TBC1D12: variants seen among roughly 807,000 people sequenced by gnomAD.
TBC1D12 encodes TBC1 domain family member 12.
In TBC1D12, 56 loss-of-function variants were observed where a neutral mutation model predicts 86.7. The ratio of observed to expected loss-of-function variants is 0.65; its 90% CI spans 0.52 to 0.81. The LOEUF (loss-of-function observed/expected upper bound fraction) is 0.81, where lower values mean the gene tolerates loss of function less well. Ranked by LOEUF, TBC1D12 falls within the 30% of genes least tolerant of loss-of-function variation. The probability of loss-of-function intolerance (pLI) is 0.00; values close to 1 mark genes in which losing one functional copy is unlikely to be tolerated. For synonymous variants in TBC1D12, 421 were observed against 411.7 expected (o/e 1.02, Z -0.27); for missense variants, 1,023 against 1,038.8 (o/e 0.98, Z 0.21).
At chr10:94,531,119 G>T in intron 11 of TBC1D12, 83 bp from the exon 12 acceptor site, 1 of 1,472,854 alleles carries the variant, frequency 6.8e-7, no homozygotes, top group Non-Finnish European at 9.2e-7. Context: ...ATTAAACACT[G>T]TTCTTTTTTT....
chr10:94,425,142 T>C (rs1198139689), intron 1 of TBC1D12, among the ~76,000 whole-genome samples: 1 of 152,208 alleles, frequency 6.6e-6, no homozygotes, highest in East Asian at 1.9e-4. Flanking sequence ...GCACTACCTC[T>C]GGTTTGCAAG....
intron 3 of TBC1D12, among the ~76,000 whole-genome samples, chr10:94,488,611 T>C (rs1278500949): frequency 6.6e-6 from 1 of 151,374 alleles, no homozygotes; most frequent in Admixed American, 6.6e-5. Context: ...AGGCTGGTCT[T>C]GAACTCCTGA....
At chr10:94,459,623 C>T (rs1451752468) in intron 2 of TBC1D12, among the ~76,000 whole-genome samples, 1 of 152,234 alleles carries the variant, frequency 6.6e-6, no homozygotes, top group Admixed American at 6.5e-5. Context: ...TGGCAGACTG[C>T]AGGTCCTGAG....
chr10:94,493,448 G>T lies in TBC1D12; in HGVS notation c.1294+1G>T, dbSNP rs769340233. On this transcript the variant is annotated splice_donor_variant, in intron 4 of 12. Coordinates refer to ENST00000225235, the MANE Select transcript of TBC1D12 (RefSeq NM_015188.2). LOFTEE classifies it high-confidence loss of function. ...ATGGTGGCTGAGGCTAAAAAACGAG[G>T]TATAAAATTTAACTCCAAATGGTAT... is the stretch of plus-strand genomic sequence containing the variant. 6.2e-7 allele frequency: 1 copy of T among 1,606,926 alleles called. No individual in the cohort carries two copies. Among genetic ancestry groups the T allele is most frequent in the South Asian group, 1.1e-5 (1 of 89,222 alleles).
intron 5 of TBC1D12, among the ~76,000 whole-genome samples, chr10:94,497,472 A>G (rs1174487092): frequency 1.3e-5 from 2 of 149,510 alleles, no homozygotes; most frequent in African/African-American, 4.9e-5. Flanking sequence ...CTCAGTGTCT[A>G]CCACCTACTT....
chr10:94,513,754 AG>A (rs2056553654), intron 9 of TBC1D12, among the ~76,000 whole-genome samples: 8 of 152,094 alleles, frequency 5.3e-5, no homozygotes, highest in Admixed American at 4.6e-4. Flanking sequence ...GTGTTAAGAC[AG>A]GGCACTGTTT....
intron 3 of TBC1D12, among the ~76,000 whole-genome samples, chr10:94,491,566 T>C (rs1239713530): frequency 6.6e-6 from 1 of 152,234 alleles, no homozygotes; most frequent in Non-Finnish European, 1.5e-5. Context: ...TGTACTCAGC[T>C]GTGGTTTGAA....
chr10:94,404,304 T>A lies in TBC1D12; in HGVS notation c.971+720T>A, dbSNP rs898683549. Among the ~76,000 whole-genome samples, 3 of 152,306 alleles carry A rather than the reference T, an allele frequency of 2.0e-5. No individual in the cohort carries two copies. In the East Asian group the frequency reaches 5.8e-4, roughly 29 times the overall value. ...CCTTTTTTTCCCCAATAACTTTAGT[T>A]TTTTTAAAAAATGGTATTGTATTTG... On this transcript the variant is annotated intron_variant, in intron 1 of 12. Coordinates refer to ENST00000225235, the MANE Select transcript of TBC1D12 (RefSeq NM_015188.2).
rs780979231 is a variant in TBC1D12, at chr10:94,497,077, A to T, written c.1317A>T (p.Arg439Ser). 6.4e-7 allele frequency: 1 copy of T among 1,568,828 alleles called. No homozygotes were observed. Among genetic ancestry groups the T allele is most frequent in the South Asian group, 1.2e-5 (1 of 84,056 alleles). The change falls in exon 5 of 13, where the codon AGA (arginine) becomes AGT (serine). Residue 439 changes from arginine (R) to serine (S), a missense_variant. Physicochemically the swap from Arg to Ser is moderately radical, Grantham distance 110. Transcript: ENST00000225235. ...CAGAAATTAAGGAAGCACATAAAAG[A>T]AAAAGAATCATGAAAGAACGATTTA... ...KKREIKEAHK[R>S]KRIMKERFKQ...
rs1554951689 is a variant in TBC1D12 at position 94,531,759 on chromosome 10, T to TTTATGTTATTTTCTTTTATG, written c.2259+303_2259+304insGTTATTTTCTTTTATGTTAT. Among the ~76,000 whole-genome samples, 242 of 66,430 alleles carry TTTATGTTATTTTCTTTTATG rather than the reference T, an allele frequency of 3.6e-3. 2 individuals are homozygous for TTTATGTTATTTTCTTTTATG. The highest frequency in any genetic ancestry group is 9.6e-3 in the African/African-American group (231 of 24,066). The allele number at this position is 66,430 out of a possible 152,430, so 43.6% of individuals were successfully genotyped here. On this transcript the variant is annotated intron_variant, in intron 12 of 12. Coordinates refer to ENST00000225235, the MANE Select transcript of TBC1D12 (RefSeq NM_015188.2). The stretch of plus-strand genomic sequence containing the variant: ...GTTATGTTATTTTATGTTATTTTAT[T>TTTATGTTATTTTCTTTTATG]TTATTTTATTTTATGTTATTTTATT...
intron 9 of TBC1D12, 83 bp downstream of exon 9, chr10:94,511,737 C>T (rs1183504134): frequency 1.1e-6 from 1 of 924,208 alleles, no homozygotes; most frequent in Non-Finnish European, 1.7e-6. Context: ...TGTATTAGCT[C>T]CCAAATGTCT....
intron 2 of TBC1D12, among the ~76,000 whole-genome samples, chr10:94,473,486 T>C (rs374067438): frequency 3.3e-5 from 5 of 152,272 alleles, no homozygotes; most frequent in African/African-American, 9.6e-5. Context: ...TTGGAAAAGA[T>C]GTAACAATAG....
Position 94,496,198 on chromosome 10 carries a change from G to A in TBC1D12, c.1295-857G>A, listed in dbSNP as rs537037727. Among the ~76,000 whole-genome samples, 3 of 152,038 alleles carry A rather than the reference G, an allele frequency of 2.0e-5. No homozygotes were observed. In the East Asian group the frequency reaches 5.8e-4, roughly 29 times the overall value. On this transcript the variant is annotated intron_variant, in intron 4 of 12. Coordinates refer to ENST00000225235, the MANE Select transcript of TBC1D12 (RefSeq NM_015188.2). ...TATCTGAAAAAACAATTTGAAAACAGTTTGGCTAGCTGGTCTCTGACATCC... is the reference window on the plus strand; with the variant it reads ...TATCTGAAAAAACAATTTGAAAACAATTTGGCTAGCTGGTCTCTGACATCC...
intron 9 of TBC1D12, 146 bp downstream of exon 9, chr10:94,511,800 T>C (rs1380896593): frequency 3.1e-6 from 2 of 639,864 alleles, no homozygotes; most frequent in Non-Finnish European, 2.7e-6. Flanking sequence ...GTGAAGAATC[T>C]TTCTATCTCT....
chr10:94,471,380 C>T (rs947574734), intron 2 of TBC1D12, among the ~76,000 whole-genome samples: 5 of 151,896 alleles, frequency 3.3e-5, no homozygotes, highest in African/African-American at 4.8e-5. Flanking sequence ...ACTTAGTTCA[C>T]GTTTTATAAA....
chr10:94,506,620 A>AGTTTT (rs1564982603), intron 6 of TBC1D12, among the ~76,000 whole-genome samples: 1 of 152,190 alleles, frequency 6.6e-6, no homozygotes, highest in African/African-American at 2.4e-5. Context: ...GAGACCCTGC[A>AGTTTT]TATGGGAGTG....
chr10:94,501,999 A>C (rs1292614277), intron 6 of TBC1D12, among the ~76,000 whole-genome samples: 1 of 152,116 alleles, frequency 6.6e-6, no homozygotes, highest in Non-Finnish European at 1.5e-5. Flanking sequence ...GCAGCACTCC[A>C]AACAGGGCTA....
intron 4 of TBC1D12, among the ~76,000 whole-genome samples, chr10:94,494,165 A>C (rs1353407343): frequency 6.6e-6 from 1 of 152,108 alleles, no homozygotes; most frequent in Non-Finnish European, 1.5e-5. Context: ...GTATTCATTC[A>C]TTCTCTTTTC....
chr10:94,424,184 C>G (rs1163618318), intron 1 of TBC1D12, among the ~76,000 whole-genome samples: 1 of 151,906 alleles, frequency 6.6e-6, no homozygotes, highest in Non-Finnish European at 1.5e-5. Flanking sequence ...AATCAGTCCC[C>G]CACAGATACC....
Sources: gnomAD v4.1 joint callset for allele counts (sites outside exome capture counted in the v4.1 genomes callset) on GRCh38, gnomAD v4.1.1 for gene constraint, MANE v1.5 for transcripts, NCBI Gene and HGNC (gene_info 2026-07-23, HGNC 2026-07-21) for gene names.